Variants in HYKK observed in about 807,000 individuals in gnomAD.
HYKK encodes 5-hydroxy-L-lysine kinase.
Under a neutral mutation model 29.7 loss-of-function variants are expected in HYKK, and 19 were observed. The ratio of observed to expected loss-of-function variants is 0.64; its 90% CI spans 0.45 to 0.94. HYKK has a LOEUF of 0.94. Among genes scored for constraint, HYKK ranks in the 40% least tolerant of loss-of-function variants. The pLI, the probability that HYKK is intolerant of heterozygous loss-of-function variation, is 0.00. For synonymous variants in HYKK, 152 were observed against 158.1 expected (o/e 0.96, Z 0.29); for missense variants, 390 against 443.4 (o/e 0.88, Z 1.08).
intron 1 of HYKK, among the ~76,000 whole-genome samples, chr15:78,510,123 TTTTCTTTC>T (rs146025612): frequency 1.1e-4 from 16 of 148,766 alleles, no homozygotes; most frequent in African/African-American, 2.2e-4. Context: ...TTCTTCTTTC[TTTTCTTTC>T]TTTCTTTCTT....
rs1019911359 is a variant in HYKK at position 78,533,925 on chromosome 15, A to G, written c.*255A>G. 4 of 433,600 alleles carry G rather than the reference A, an allele frequency of 9.2e-6. No homozygotes were observed. The Admixed American group carries it at 1.2e-4, about 13-fold the overall frequency. 26.9% of individuals were successfully genotyped at this position (433,600 alleles called of 1,614,324 possible). ...TTGCCATATCTATAAAACACATATA[A>G]TGATACCATTTTGAAGCAGATAATC... On this transcript the variant is annotated 3_prime_UTR_variant, in exon 5 of 5. Transcript: ENST00000388988.
At chr15:78,531,712 A>T (rs1032580186) in intron 4 of HYKK, among the ~76,000 whole-genome samples, 3 of 152,084 alleles carry the variant, frequency 2.0e-5, no homozygotes, top group Non-Finnish European at 2.9e-5. Context: ...TGTATTTTTA[A>T]TAGAAACAGG....
chr15:78,518,383 C>T (rs1391366293), intron 3 of HYKK, among the ~76,000 whole-genome samples: 2 of 152,004 alleles, frequency 1.3e-5, no homozygotes, highest in Admixed American at 1.3e-4. Context: ...CTATGTTGGC[C>T]AGGCTGGTCT....
Position 78,527,455 on chromosome 15 carries a change from G to A in HYKK, c.553G>A (p.Glu185Lys), listed in dbSNP as rs2052266648. The A allele has an allele frequency of 6.2e-7, 1 of 1,614,094 alleles. No homozygotes were observed. Among genetic ancestry groups the A allele is most frequent in the Non-Finnish European group, 8.5e-7 (1 of 1,179,970 alleles). Residue 185 changes from glutamate (E) to lysine (K), a missense_variant, in exon 4 of 5, where the codon GAG becomes AAG. By Grantham distance (56) the Glu-to-Lys change is moderately conservative. Transcript: ENST00000388988. Reference sequence around the variant, plus strand: ...GAATCTGAAAAATGTTCCTCTTCTGGAGAAATACCTGTATGCCCTGGGCCA... The same window carrying A: ...GAATCTGAAAAATGTTCCTCTTCTGAAGAAATACCTGTATGCCCTGGGCCA... ...IWNLKNVPLL[E>K]KYLYALGQNR...
At position 78,514,997 on chromosome 15, in the gene HYKK, G is replaced by C; in HGVS notation, c.367G>C (p.Val123Leu). Residue 123 changes from valine to leucine, a missense_variant, in exon 3 of 5, where the codon GTG becomes CTG. By Grantham distance (32) the Val-to-Leu change is conservative. Transcript: ENST00000388988. ...TGGCTCTGAAATCAAAAGCTACTTGGTGAGGCTGCTGACTTACCTCCCAGG... is the reference window on the plus strand; with the variant it reads ...TGGCTCTGAAATCAAAAGCTACTTGCTGAGGCTGCTGACTTACCTCCCAGG... ...DSGSEIKSYL[V>L]RLLTYLPGRP... The C allele has an allele frequency of 6.3e-7, 1 of 1,582,654 alleles. No homozygotes were observed.
Position 78,514,879 on chromosome 15 carries a change from T to C in HYKK, c.338-89T>C, listed in dbSNP as rs77834823. 7.8e-3 allele frequency: 3,366 copies of C among 430,238 alleles called. 130 individuals are homozygous for C. The highest frequency in any genetic ancestry group is 0.069 in the African/African-American group (3,053 of 44,004). The allele number at this position is 430,238 out of a possible 1,614,324, so 26.7% of individuals were successfully genotyped here. A position where few individuals can be genotyped will look rare whatever the true frequency, so the allele number is the denominator to read the frequency against. On this transcript the variant is annotated intron_variant, in intron 2 of 4. Coordinates refer to ENST00000388988, the MANE Select transcript of HYKK (RefSeq NM_001013619.4). ...GGCAGAATAGCTTCTAATTCTGTTA[T>C]ATCTAAATACCTCTCTCTCTCTCTC...
Position 78,533,722 on chromosome 15 carries a change from G to T in HYKK, c.*52G>T. ...CACTTTAACTTGGGTAATTAAAATA[G>T]GACCCAGTCAAATTTTAGGAAGGAT... On this transcript the variant is annotated 3_prime_UTR_variant, in exon 5 of 5. Coordinates refer to ENST00000388988, the MANE Select transcript of HYKK (RefSeq NM_001013619.4). The T allele has an allele frequency of 7.6e-7, 1 of 1,313,210 alleles. No individual in the cohort carries two copies. The highest frequency in any genetic ancestry group is 1.1e-6 in the Non-Finnish European group (1 of 928,644). The allele number at this position is 1,313,210 out of a possible 1,614,324, so 81.3% of individuals were successfully genotyped here. A position where few individuals can be genotyped will look rare whatever the true frequency, so the allele number is the denominator to read the frequency against.
At chr15:78,517,109 C>CTTTCTTTT (rs1567017531) in intron 3 of HYKK, among the ~76,000 whole-genome samples, 4 of 108,404 alleles carry the variant, frequency 3.7e-5, no homozygotes, top group African/African-American at 6.5e-5. Context: ...TTCTTTCTTT[C>CTTTCTTTT]TTTTTTTTTT....
chr15:78,533,856 T>C lies in HYKK; in HGVS notation c.*186T>C. 1.7e-6 allele frequency: 1 copy of C among 582,162 alleles called. No homozygotes were observed. Among genetic ancestry groups the C allele is most frequent in the Non-Finnish European group, 3.0e-6 (1 of 330,938 alleles). 36.1% of individuals were successfully genotyped at this position (582,162 alleles called of 1,614,324 possible). A position where few individuals can be genotyped will look rare whatever the true frequency, so the allele number is the denominator to read the frequency against. ...CAATCTCGTGACAATTTTTTAAAATTCACAAAAGTACCACAAGCAAGCATA... is the reference window on the plus strand; with the variant it reads ...CAATCTCGTGACAATTTTTTAAAATCCACAAAAGTACCACAAGCAAGCATA... On this transcript the variant is annotated 3_prime_UTR_variant, in exon 5 of 5. Transcript: ENST00000388988.
rs746157509 is a variant in HYKK, at chr15:78,513,443, C to T, written c.337+18C>T. 7.7e-6 allele frequency: 12 copies of T among 1,559,594 alleles called. No homozygotes were observed. Among genetic ancestry groups the T allele is most frequent in the South Asian group, 3.4e-5 (3 of 87,666 alleles). ...GTCTGTAGGTAAGAGATGACCAATT[C>T]GCCGATCCATTACCTATCCAGACAC... On this transcript the variant is annotated intron_variant, in intron 2 of 4. Transcript: ENST00000388988.
rs776905837 is a variant in HYKK, at chr15:78,513,219, A to G, written c.131A>G (p.Asp44Gly). ...VSKVRPLPSY[D>G]DQNFHVYVSK... ...AAGGTCCGGCCACTTCCTAGCTATG[A>G]TGACCAAAACTTTCATGTCTACGTT... The change falls in exon 2 of 5, where the codon GAT (aspartate) becomes GGT (glycine). Residue 44 changes from aspartate (D) to glycine (G), a missense_variant. Transcript: ENST00000388988. 1 of 1,614,200 alleles carries G rather than the reference A, an allele frequency of 6.2e-7. No homozygotes were observed. The highest frequency in any genetic ancestry group is 8.5e-7 in the Non-Finnish European group (1 of 1,180,042).
intron 4 of HYKK, chr15:78,528,673 C>T (rs903438419): frequency 2.4e-5 from 8 of 326,594 alleles, no homozygotes; most frequent in Non-Finnish European, 3.1e-5. Flanking sequence ...CATGGTGACG[C>T]GTGCCTGTAA....
intron 1 of HYKK, among the ~76,000 whole-genome samples, chr15:78,511,798 G>A (rs1046954151): frequency 2.0e-5 from 3 of 152,072 alleles, no homozygotes; most frequent in African/African-American, 7.2e-5. Context: ...TTTGGGAGGC[G>A]TAAGTGGGAG....
intron 1 of HYKK, among the ~76,000 whole-genome samples, chr15:78,511,863 A>C (rs2141352600): frequency 6.6e-6 from 1 of 152,314 alleles, no homozygotes; most frequent in East Asian, 1.9e-4. Flanking sequence ...TGAGACCCCC[A>C]TCTCTATCTT....
At chr15:78,522,880 G>GA (rs900241070) in intron 3 of HYKK, among the ~76,000 whole-genome samples, 27 of 144,280 alleles carry the variant, frequency 1.9e-4, no homozygotes, top group Admixed American at 9.0e-4. Context: ...CTCTGTCTCA[G>GA]AAAAAAAAAA....
rs1175378242 is a variant in HYKK, at chr15:78,533,645, C to T, written c.1097C>T (p.Ser366Phe). 1.9e-6 allele frequency: 3 copies of T among 1,613,814 alleles called. No individual in the cohort carries two copies. Among genetic ancestry groups the T allele is most frequent in the Non-Finnish European group, 2.5e-6 (3 of 1,179,730 alleles). ...VEEIWFETAKSYESGISM is the reference protein window; with the variant it reads ...VEEIWFETAKFYESGISM ...GAAATCTGGTTTGAAACTGCCAAAT[C>T]CTATGAATCTGGGATCTCCATGTGA... Residue 366 changes from serine (S) to phenylalanine (F), a missense_variant, in exon 5 of 5, where the codon TCC (serine) becomes TTC (phenylalanine). By Grantham distance (155) the Ser-to-Phe change is radical. Coordinates refer to ENST00000388988, the MANE Select transcript of HYKK (RefSeq NM_001013619.4).
intron 3 of HYKK, among the ~76,000 whole-genome samples, chr15:78,516,528 T>C (rs1327775871): frequency 6.6e-6 from 1 of 151,848 alleles, no homozygotes; most frequent in Non-Finnish European, 1.5e-5. Context: ...TTTTGTATTT[T>C]TTGTAGAGAT....
At chr15:78,530,174 C>G (rs1425575447) in intron 4 of HYKK, among the ~76,000 whole-genome samples, 1 of 147,468 alleles carries the variant, frequency 6.8e-6, no homozygotes, top group African/African-American at 2.5e-5. Context: ...AGTTCACAAA[C>G]CATGAAATTC....
chr15:78,530,943 C>G (rs746249815), intron 4 of HYKK, among the ~76,000 whole-genome samples: 1 of 152,086 alleles, frequency 6.6e-6, no homozygotes, highest in Non-Finnish European at 1.5e-5. Context: ...GATCTCGGCT[C>G]ACTGCAACCT....
Sources: gnomAD v4.1 joint callset for allele counts (sites outside exome capture counted in the v4.1 genomes callset) on GRCh38, gnomAD v4.1.1 for gene constraint, MANE v1.5 for transcripts, NCBI Gene and HGNC (gene_info 2026-07-23, HGNC 2026-07-21) for gene names.